Variants in TNXB observed in about 807,000 individuals in gnomAD.
The protein encoded by TNXB is tenascin XB, also known as tenascin-X.
A neutral mutation model predicts 340.5 loss-of-function variants in TNXB; 183 were observed. The observed-to-expected ratio is 0.54, with a 90% CI of 0.48 to 0.61. The LOEUF (loss-of-function observed/expected upper bound fraction) is 0.61, where lower values mean the gene tolerates loss of function less well. TNXB is among the 20% of genes least tolerant of loss of function. The probability of loss-of-function intolerance (pLI) is 0.00; values close to 1 mark genes in which losing one functional copy is unlikely to be tolerated. For synonymous variants in TNXB, 2,121 were observed against 2,314.5 expected (o/e 0.92, Z 2.40); for missense variants, 4,613 against 5,446.4 (o/e 0.85, Z 4.82).
rs28986184 is a variant in TNXB, at chr6:32,067,096, TGAAA to T, written c.6544+561_6544+564del. ...GTCTAAAAAGAAAGAAAGAAAAGAA[TGAAA>T]GAAAGAAAGAAAGAGAAAGAAAGAA... On this transcript the variant is annotated intron_variant, in intron 18 of 43. Coordinates refer to ENST00000644971, the MANE Select transcript of TNXB (RefSeq NM_001365276.2). This position sits in a 1 kb window ranked among gnomAD's most constrained non-coding sequence, Gnocchi z 4.2. Among the ~76,000 whole-genome samples the T allele has an allele frequency of 9.6e-5, 2 of 20,746 alleles. No individual in the cohort carries two copies. Among genetic ancestry groups the T allele is most frequent in the Non-Finnish European group, 2.4e-4 (2 of 8,242 alleles). 13.6% of individuals were successfully genotyped at this position (20,746 alleles called of 152,430 possible).
Position 32,081,728 on chromosome 6 carries a change from T to G in TNXB, c.3737-55A>C. ...GAACTGGCAGCCTGGGACTGGGGCT[T>G]GGGGTTTCGACGGGATGTCACACCT... On this transcript the variant is annotated intron_variant, in intron 9 of 43. Transcript: ENST00000644971. This position sits in a 1 kb window ranked among gnomAD's most constrained non-coding sequence, Gnocchi z 5.1. 1.5e-6 allele frequency: 2 copies of G among 1,341,742 alleles called. No individual in the cohort carries two copies. Among genetic ancestry groups the G allele is most frequent in the Non-Finnish European group, 9.9e-7 (1 of 1,006,654 alleles). The allele number at this position is 1,341,742 out of a possible 1,614,324, so 83.1% of individuals were successfully genotyped here. A position where few individuals can be genotyped will look rare whatever the true frequency, so the allele number is the denominator to read the frequency against.
At chr6:32,094,552 A>G (rs1780228192) in intron 4 of TNXB, among the ~76,000 whole-genome samples, 1 of 152,202 alleles carries the variant, frequency 6.6e-6, no homozygotes, top group South Asian at 2.1e-4. Context: ...TTGGGGGCAC[A>G]TGAAAAAAGC....
rs1445893764 is a variant in TNXB at position 32,082,441 on chromosome 6, G to A, written c.3446-115C>T. The A allele has an allele frequency of 4.5e-6, 5 of 1,116,818 alleles. No individual in the cohort carries two copies. The highest frequency in any genetic ancestry group is 3.1e-5 in the African/African-American group (2 of 64,390). 69.2% of individuals were successfully genotyped at this position (1,116,818 alleles called of 1,614,324 possible). A position where few individuals can be genotyped will look rare whatever the true frequency, so the allele number is the denominator to read the frequency against. On this transcript the variant is annotated intron_variant, in intron 8 of 43. Coordinates refer to ENST00000644971, the MANE Select transcript of TNXB (RefSeq NM_001365276.2). The surrounding 1 kb of genome is among the most constrained non-coding windows in gnomAD (Gnocchi z 5.0). ...TGCAGGTTGTTCACTGCACAAAAGTGCATTTGCTGAGGGAGTACAGAGGGA... is the reference window on the plus strand; with the variant it reads ...TGCAGGTTGTTCACTGCACAAAAGTACATTTGCTGAGGGAGTACAGAGGGA...
chr6:32,072,086 T>A lies in TNXB; in HGVS notation c.4894A>T (p.Ile1632Phe). Reference protein sequence around the residue: ...PVAADQREVTIPDLEPSRKYK... With the variant: ...PVAADQREVTFPDLEPSRKYK... Reference sequence around the variant, plus strand: ...TTGCGGGAGGGTTCCAGGTCAGGGATAGTGACCTCCCGCTGATCTGCAGCC... The same window carrying A: ...TTGCGGGAGGGTTCCAGGTCAGGGAAAGTGACCTCCCGCTGATCTGCAGCC... The change falls in exon 13 of 44, where the codon ATC (isoleucine) becomes TTC (phenylalanine). Residue 1632 changes from isoleucine to phenylalanine, a missense_variant. Ile to Phe is a conservative substitution (Grantham distance 21, BLOSUM62 0). Around this residue, in one of 7 missense-constraint regions of TNXB, gnomAD observed 4,327 missense variants for 4,859.4 expected, o/e 0.89. Transcript: ENST00000644971. The surrounding 1 kb of genome is among the most constrained non-coding windows in gnomAD (Gnocchi z 4.4). The A allele has an allele frequency of 6.2e-7, 1 of 1,613,016 alleles. No individual in the cohort carries two copies. The highest frequency in any genetic ancestry group is 8.5e-7 in the Non-Finnish European group (1 of 1,179,478).
At chr6:32,056,504 C>A in intron 23 of TNXB, 82 bp downstream of exon 23, 1 of 1,554,440 alleles carries the variant, frequency 6.4e-7, no homozygotes, top group Non-Finnish European at 8.7e-7. Context: ...GACCCCTGGC[C>A]CATTCCCCAC....
At chr6:32,053,278 T>C in intron 25 of TNXB, 110 bp downstream of exon 25, 1 of 1,482,412 alleles carries the variant, frequency 6.7e-7, no homozygotes, top group South Asian at 1.3e-5. Context: ...GACAAAAAAG[T>C]ACCATGGCTC....
intron 24 of TNXB, 27 bp downstream of exon 24, chr6:32,055,824 C>T (rs1777587317): frequency 1.3e-6 from 2 of 1,594,800 alleles, no homozygotes; most frequent in East Asian, 4.5e-5. Context: ...TCTTCTAGGG[C>T]CATCTTCCTC....
rs1778209283 is a variant in TNXB at position 32,064,442 on chromosome 6, G to C, written c.6841+379C>G. On this transcript the variant is annotated intron_variant, in intron 19 of 43. Transcript: ENST00000644971. The surrounding 1 kb of genome is among the most constrained non-coding windows in gnomAD (Gnocchi z 5.3). ...TTGGCCAGGCTGGTCTCGAACTCCT[G>C]ACCTCAAGTGATCTGCCCCCTTCGG... Among the ~76,000 whole-genome samples, 1 of 152,190 alleles carries C rather than the reference G, an allele frequency of 6.6e-6. No homozygotes were observed. The highest frequency in any genetic ancestry group is 2.4e-5 in the African/African-American group (1 of 41,442).
At chr6:32,101,057 G>A (rs1018447557) in intron 1 of TNXB, among the ~76,000 whole-genome samples, 10 of 116,048 alleles carry the variant, frequency 8.6e-5, no homozygotes, top group Non-Finnish European at 1.7e-4. Context: ...CAGCCTGAGA[G>A]GAAGAGTGAA....
chr6:32,049,364 C>G lies in TNXB; in HGVS notation c.9663G>C (p.Val3221=). The part of the protein sequence containing the change: ...RVRGEESEVT[V]GGLEPGRKYK... The stretch of plus-strand genomic sequence containing the variant: ...ATTTGCGCCCGGGCTCCAGGCCCCC[C>G]ACGGTGACCTCGCTCTCCTCGCCCC... Residue 3221 remains valine (V), a synonymous_variant, in exon 28 of 44, where the codon GTG becomes GTC. Transcript: ENST00000644971. The surrounding 1 kb of genome is among the most constrained non-coding windows in gnomAD (Gnocchi z 4.5). 4.3e-6 allele frequency: 7 copies of G among 1,612,502 alleles called. No individual in the cohort carries two copies. The highest frequency in any genetic ancestry group is 3.4e-6 in the Non-Finnish European group (4 of 1,179,866).
Position 32,069,528 on chromosome 6 carries a change from G to C in TNXB, c.5587+25C>G. 1 of 1,532,812 alleles carries C rather than the reference G, an allele frequency of 6.5e-7. No individual in the cohort carries two copies. Among genetic ancestry groups the C allele is most frequent in the Non-Finnish European group, 8.8e-7 (1 of 1,137,584 alleles). 95.0% of individuals were successfully genotyped at this position (1,532,812 alleles called of 1,614,324 possible). On this transcript the variant is annotated intron_variant, in intron 15 of 43. Coordinates refer to ENST00000644971, the MANE Select transcript of TNXB (RefSeq NM_001365276.2). The surrounding 1 kb of genome is among the most constrained non-coding windows in gnomAD (Gnocchi z 6.2). ...GAGAGCCAGGCGGGAAGGAGGCACA[G>C]GTGTTCCAGCTGCCGCACACTCACC...
chr6:32,054,950 G>A (rs1263529365), intron 24 of TNXB, among the ~76,000 whole-genome samples: 1 of 152,178 alleles, frequency 6.6e-6, no homozygotes, highest in Non-Finnish European at 1.5e-5. Context: ...ACAAGAACAA[G>A]GCCAGTCTGT....
At position 32,097,836 on chromosome 6, in the gene TNXB, G is replaced by A; in HGVS notation, c.363C>T (p.Cys121=). 6.6e-7 allele frequency: 1 copy of A among 1,526,496 alleles called. No homozygotes were observed. The highest frequency in any genetic ancestry group is 8.8e-7 in the Non-Finnish European group (1 of 1,132,512). The allele number at this position is 1,526,496 out of a possible 1,614,324, so 94.6% of individuals were successfully genotyped here. The stretch of plus-strand genomic sequence containing the variant: ...CAGAGGCAGGACAACATCCCCCAGT[G>A]CACTGTTCCTTGAGCCCCTTCACCA... ...EELVKGLKEQ[C]TGGCCPASAQ... is the part of the protein sequence containing the mutation. Residue 121 remains cysteine, a synonymous_variant, in exon 2 of 44, where the codon TGC becomes TGT. Coordinates refer to ENST00000644971, the MANE Select transcript of TNXB (RefSeq NM_001365276.2). This position sits in a 1 kb window ranked among gnomAD's most constrained non-coding sequence, Gnocchi z 5.9.
At position 32,065,020 on chromosome 6, in the gene TNXB, C is replaced by G. The variant is rs1437463329; in HGVS notation, c.6642G>C (p.Trp2214Cys). 1 of 1,610,308 alleles carries G rather than the reference C, an allele frequency of 6.2e-7. No individual in the cohort carries two copies. Among genetic ancestry groups the G allele is most frequent in the African/African-American group, 1.3e-5 (1 of 74,880 alleles). ...DITSDSLSLS[W>C]TVPEGQFDHF... ...GGTCAAACTGGCCCTCGGGGACTGT[C>G]CAGGAGAGGCTGAGGGAGTCGGAGG... Residue 2214 changes from tryptophan to cysteine, a missense_variant, in exon 19 of 44, where the codon TGG (tryptophan) becomes TGC (cysteine). Trp to Cys is a radical substitution (Grantham distance 215, BLOSUM62 -2). Transcript: ENST00000644971.
intron 4 of TNXB, among the ~76,000 whole-genome samples, chr6:32,094,808 T>A (rs1347265396): frequency 1.3e-5 from 2 of 152,104 alleles, no homozygotes; most frequent in Non-Finnish European, 2.9e-5. Flanking sequence ...CAGCTAACAG[T>A]GATGACCAAC....
chr6:32,092,742 C>T (rs1268900163), intron 4 of TNXB, among the ~76,000 whole-genome samples: 7 of 151,862 alleles, frequency 4.6e-5, no homozygotes, highest in Non-Finnish European at 7.4e-5. Flanking sequence ...TGGCACTTGC[C>T]AAGGCAGAAG....
At chr6:32,099,964 A>C (rs1177089245) in intron 1 of TNXB, among the ~76,000 whole-genome samples, 2 of 151,520 alleles carry the variant, frequency 1.3e-5, no homozygotes, top group African/African-American at 2.4e-5. Flanking sequence ...AAAAAAAAAA[A>C]AAAAAACAGT....
chr6:32,045,778 G>A (rs554517403), intron 31 of TNXB: 797 of 1,046,666 alleles, frequency 7.6e-4, no homozygotes, highest in African/African-American at 4.1e-3. Context: ...CTGTGTCCCC[G>A]CTCATTTTGT....
Position 32,058,231 on chromosome 6 carries a change from G to A in TNXB, c.7652C>T (p.Ser2551Phe). The change falls in exon 22 of 44, where the codon TCC becomes TTC. Residue 2551 changes from serine (S) to phenylalanine (F), a missense_variant. Ser to Phe is a radical substitution (Grantham distance 155). Coordinates refer to ENST00000644971, the MANE Select transcript of TNXB (RefSeq NM_001365276.2). The surrounding 1 kb of genome is among the most constrained non-coding windows in gnomAD (Gnocchi z 5.1). Reference sequence around the variant, plus strand: ...CCTGTCCTTGTACTGCACGGTGAAGGAGTCAAAGCGGCCCTGGGGGACGGT... The same window carrying A: ...CCTGTCCTTGTACTGCACGGTGAAGAAGTCAAAGCGGCCCTGGGGGACGGT... ...SWTVPQGRFD[S>F]FTVQYKDRDG... The A allele has an allele frequency of 6.2e-7, 1 of 1,612,518 alleles. No individual in the cohort carries two copies. The highest frequency in any genetic ancestry group is 8.5e-7 in the Non-Finnish European group (1 of 1,179,872).
Sources: gnomAD v4.1 joint callset for allele counts (sites outside exome capture counted in the v4.1 genomes callset) on GRCh38, gnomAD v4.1.1 for gene constraint, gnomAD v4.1.1 regional missense constraint, Gnocchi (gnomAD v3.1) non-coding constraint, MANE v1.5 for transcripts, NCBI Gene and HGNC (gene_info 2026-07-23, HGNC 2026-07-21) for gene names.